CTDSPL2: variants seen among roughly 807,000 people sequenced by gnomAD.
CTDSPL2 encodes CTD small phosphatase-like protein 2.
A neutral mutation model predicts 60.0 loss-of-function variants in CTDSPL2; 5 were observed. The ratio of observed to expected loss-of-function variants is 0.08; its 90% CI spans 0.04 to 0.18. CTDSPL2 has a LOEUF of 0.18. CTDSPL2 is among the 10% of genes least tolerant of loss of function. CTDSPL2 has a pLI of 1.00. For missense variants in CTDSPL2, 370 were observed against 548.8 expected, an observed-to-expected ratio of 0.67 and a Z score of 3.26; for synonymous variants, 186 against 189.3, an observed-to-expected ratio of 0.98 and a Z score of 0.14.
chr15:44,521,196 C>T, intron 11 of CTDSPL2, 115 bp from the exon 12 acceptor site: 1 of 520,186 alleles, frequency 1.9e-6, no homozygotes, highest in Non-Finnish European at 3.3e-6. Context: ...CATTACTTTT[C>T]AAAGGAACTT....
chr15:44,514,551 T>A (rs1335666756), intron 8 of CTDSPL2, 47 bp from the exon 9 acceptor site: 1 of 1,105,366 alleles, frequency 9.0e-7, no homozygotes, highest in South Asian at 1.3e-5. Context: ...AGAAGTGGTT[T>A]CCCATTGTAT....
At chr15:44,487,430 C>G (rs2140794666) in intron 4 of CTDSPL2, among the ~76,000 whole-genome samples, 1 of 152,212 alleles carries the variant, frequency 6.6e-6, no homozygotes, top group African/African-American at 2.4e-5. Flanking sequence ...GATTGTACCA[C>G]TGCACTCAAG....
At chr15:44,519,564 A>C (rs763951330) in intron 11 of CTDSPL2, 1 of 265,628 alleles carries the variant, frequency 3.8e-6, no homozygotes, top group Non-Finnish European at 7.0e-6. Context: ...ATCAGTTATT[A>C]AATCAGTAAT....
At position 44,458,888 on chromosome 15, in the gene CTDSPL2, T is replaced by C. The variant is rs550497426; in HGVS notation, c.-24-103T>C. ...CTAGAGTCTAGGACTTTTGTTTTTTTAGCCAAGATATTTTTATTATATAAG... is the reference window on the plus strand; with the variant it reads ...CTAGAGTCTAGGACTTTTGTTTTTTCAGCCAAGATATTTTTATTATATAAG... On this transcript the variant is annotated intron_variant, in intron 1 of 12. Transcript: ENST00000260327. 9.7e-5 allele frequency: 72 copies of C among 742,040 alleles called. No individual in the cohort carries two copies. In the South Asian group the frequency reaches 1.6e-3, roughly 16 times the overall value. The allele number at this position is 742,040 out of a possible 1,614,324, so 46.0% of individuals were successfully genotyped here. A position where few individuals can be genotyped will look rare whatever the true frequency, so the allele number is the denominator to read the frequency against.
chr15:44,525,092 T>C lies in CTDSPL2; in HGVS notation c.*918T>C. 1 of 259,548 alleles carries C rather than the reference T, an allele frequency of 3.9e-6. No individual in the cohort carries two copies. Among genetic ancestry groups the C allele is most frequent in the Non-Finnish European group, 7.2e-6 (1 of 138,054 alleles). The allele number at this position is 259,548 out of a possible 1,614,324, so 16.1% of individuals were successfully genotyped here. On this transcript the variant is annotated 3_prime_UTR_variant, in exon 13 of 13. Coordinates refer to ENST00000260327, the MANE Select transcript of CTDSPL2 (RefSeq NM_016396.3). ...TCTTTGAGGAGAAAGTTTGGTCACCTGTTTGGCTTGATTTAGTTACTGCTG... is the reference window on the plus strand; with the variant it reads ...TCTTTGAGGAGAAAGTTTGGTCACCCGTTTGGCTTGATTTAGTTACTGCTG...
intron 11 of CTDSPL2, chr15:44,520,407 C>G (rs950585197): frequency 6.6e-6 from 1 of 152,230 alleles, no homozygotes; most frequent in Non-Finnish European, 1.5e-5. Context: ...GTCTCAGCCT[C>G]CCAAAGTGCT....
At chr15:44,466,277 C>G (rs550543794) in intron 2 of CTDSPL2, among the ~76,000 whole-genome samples, 2 of 151,876 alleles carry the variant, frequency 1.3e-5, no homozygotes, top group Non-Finnish European at 1.5e-5. Context: ...CTTGGCCTCC[C>G]GTAATGGGAT....
intron 8 of CTDSPL2, among the ~76,000 whole-genome samples, chr15:44,507,587 A>C (rs2140849409): frequency 6.6e-6 from 1 of 152,128 alleles, no homozygotes; most frequent in South Asian, 2.1e-4. Context: ...TCTAGGGCCT[A>C]CCTGAATAAC....
intron 4 of CTDSPL2, among the ~76,000 whole-genome samples, chr15:44,488,403 T>C (rs2081158180): frequency 6.6e-6 from 1 of 152,086 alleles, no homozygotes; most frequent in Non-Finnish European, 1.5e-5. Context: ...TGAAAGAGAA[T>C]AGAGATGAAG....
intron 5 of CTDSPL2, among the ~76,000 whole-genome samples, chr15:44,493,883 G>C (rs894275116): frequency 9.3e-5 from 14 of 151,156 alleles, no homozygotes; most frequent in Admixed American, 7.9e-4. Flanking sequence ...ATTTTTTTTT[G>C]TGCTGATTAT....
At chr15:44,439,148 T>TTG (rs200944235) in intron 1 of CTDSPL2, among the ~76,000 whole-genome samples, 3 of 143,706 alleles carry the variant, frequency 2.1e-5, no homozygotes, top group East Asian at 2.4e-4. Context: ...ATTATTGTTA[T>TTG]TTATTTATTT....
intron 1 of CTDSPL2, among the ~76,000 whole-genome samples, chr15:44,458,391 C>T (rs917830358): frequency 1.3e-5 from 2 of 152,180 alleles, no homozygotes; most frequent in South Asian, 2.1e-4. Flanking sequence ...TATTTTCTTT[C>T]TGATGTGAAT....
chr15:44,448,806 A>AG (rs982745566), intron 1 of CTDSPL2: 1 of 352,506 alleles, frequency 2.8e-6, no homozygotes, highest in African/African-American at 2.3e-5. Context: ...GACGCTTAGG[A>AG]GGGAAAAAAA....
chr15:44,511,867 C>CAAAAAAAAAAAAAAAAAAAAAA, intron 8 of CTDSPL2, among the ~76,000 whole-genome samples: 1 of 30,612 alleles, frequency 3.3e-5, no homozygotes, highest in Non-Finnish European at 8.0e-5. Context: ...GACGGTCTCG[C>CAAAAAAAAAAAAAAAAAAAAAA]AAAAAAAAAA....
Position 44,528,516 on chromosome 15 carries a change from T to G in CTDSPL2, c.*4342T>G, listed in dbSNP as rs1397526286. On this transcript the variant is annotated 3_prime_UTR_variant, in exon 13 of 13. Coordinates refer to ENST00000260327, the MANE Select transcript of CTDSPL2 (RefSeq NM_016396.3). ...CATCTCTTTGTGGTAGAGTTTTTTTTTTTTTAAACTGGGACCAGATTTCAC... is the reference window on the plus strand; with the variant it reads ...CATCTCTTTGTGGTAGAGTTTTTTTGTTTTTAAACTGGGACCAGATTTCAC... 3 of 152,042 alleles carry G rather than the reference T, an allele frequency of 2.0e-5. No individual in the cohort carries two copies. The East Asian group carries it at 5.8e-4, about 29-fold the overall frequency. The allele number at this position is 152,042 out of a possible 1,614,324, so 9.4% of individuals were successfully genotyped here.
At chr15:44,518,964 T>C (rs180713524) in intron 10 of CTDSPL2, 2 of 334,150 alleles carry the variant, frequency 6.0e-6, no homozygotes, top group East Asian at 9.3e-5. Context: ...CATAGTAATA[T>C]TTGGTTGTAA....
intron 5 of CTDSPL2, among the ~76,000 whole-genome samples, chr15:44,495,730 T>TGG (rs1169127717): frequency 1.3e-5 from 2 of 151,628 alleles, no homozygotes; most frequent in Non-Finnish European, 2.9e-5. Context: ...GGTTGGGTGT[T>TGG]TGAGACCAGC....
intron 2 of CTDSPL2, among the ~76,000 whole-genome samples, chr15:44,482,244 T>A (rs572668718): frequency 1.3e-5 from 2 of 151,468 alleles, no homozygotes; most frequent in South Asian, 4.2e-4. Context: ...ACTCCTGGGC[T>A]CCCACCTGAG....
intron 1 of CTDSPL2, among the ~76,000 whole-genome samples, chr15:44,441,479 C>G (rs914421802): frequency 1.3e-5 from 2 of 152,154 alleles, no homozygotes; most frequent in Non-Finnish European, 2.9e-5. Flanking sequence ...TTTCAATTGC[C>G]CTTGTTATCT....
Sources: gnomAD v4.1 joint callset for allele counts (sites outside exome capture counted in the v4.1 genomes callset) on GRCh38, gnomAD v4.1.1 for gene constraint, MANE v1.5 for transcripts, NCBI Gene and HGNC (gene_info 2026-07-23, HGNC 2026-07-21) for gene names.